Variants in SYK observed in about 807,000 individuals in gnomAD.
SYK encodes the protein tyrosine-protein kinase SYK.
A neutral mutation model predicts 77.8 loss-of-function variants in SYK; 16 were observed. That is an observed-to-expected ratio of 0.21 (90% CI 0.14 to 0.31). The LOEUF is 0.31. Among genes scored for constraint, SYK ranks in the 10% least tolerant of loss-of-function variants. SYK has a pLI of 1.00. For synonymous variants in SYK, 312 were observed against 308.7 expected, an observed-to-expected ratio of 1.01 and a Z score of -0.11; for missense variants, 529 against 814.4, an observed-to-expected ratio of 0.65 and a Z score of 4.26.
At chr9:90,814,463 G>A (rs1825215646) in intron 1 of SYK, among the ~76,000 whole-genome samples, 1 of 152,180 alleles carries the variant, frequency 6.6e-6, no homozygotes, top group South Asian at 2.1e-4. Context: ...TGCCACACGT[G>A]GGTGGAAGGT....
intron 1 of SYK, among the ~76,000 whole-genome samples, chr9:90,818,954 A>G (rs1056984052): frequency 6.6e-6 from 1 of 152,002 alleles, no homozygotes; most frequent in African/African-American, 2.4e-5. Context: ...TTCTCATGCT[A>G]TCAGCTGATT....
intron 11 of SYK, among the ~76,000 whole-genome samples, chr9:90,879,827 A>G (rs1045030988): frequency 9.9e-6 from 1 of 100,906 alleles, no homozygotes; most frequent in Non-Finnish European, 2.0e-5. Flanking sequence ...GGACTTCCTA[A>G]AAAATAATTT....
chr9:90,886,840 T>C (rs1304046363), intron 11 of SYK, among the ~76,000 whole-genome samples: 1 of 152,198 alleles, frequency 6.6e-6, no homozygotes, highest in African/African-American at 2.4e-5. Flanking sequence ...GTGCTTATCA[T>C]AGAACTATTC....
chr9:90,864,263 T>C (rs1165743054), intron 4 of SYK, among the ~76,000 whole-genome samples: 1 of 152,138 alleles, frequency 6.6e-6, no homozygotes, highest in Non-Finnish European at 1.5e-5. Flanking sequence ...CTGAAGAGAA[T>C]GGTTTGTATG....
intron 1 of SYK, among the ~76,000 whole-genome samples, chr9:90,817,477 C>A (rs928975461): frequency 6.6e-6 from 1 of 152,142 alleles, no homozygotes; most frequent in African/African-American, 2.4e-5. Flanking sequence ...ATTCATTTTT[C>A]CCTGCTTGAT....
At chr9:90,869,512 A>G (rs1827645278) in intron 7 of SYK, among the ~76,000 whole-genome samples, 1 of 152,210 alleles carries the variant, frequency 6.6e-6, no homozygotes, top group Non-Finnish European at 1.5e-5. Flanking sequence ...ATTTTCACAA[A>G]CAAATGGGGA....
chr9:90,898,182 T>C lies in SYK; in HGVS notation c.*2582T>C, dbSNP rs1829066550. 3 of 230,630 alleles carry C rather than the reference T, an allele frequency of 1.3e-5. No individual in the cohort carries two copies. The highest frequency in any genetic ancestry group is 6.6e-5 in the African/African-American group (3 of 45,194). The allele number at this position is 230,630 out of a possible 1,614,324, so 14.3% of individuals were successfully genotyped here. A position where few individuals can be genotyped will look rare whatever the true frequency, so the allele number is the denominator to read the frequency against. On this transcript the variant is annotated 3_prime_UTR_variant, in exon 14 of 14. Transcript: ENST00000375754. Reference sequence around the variant, plus strand: ...GCCCTGGTGGCATCACACTGGCTAGTGAGGCCGTGAATATCTTGTCCCCCA... The same window carrying C: ...GCCCTGGTGGCATCACACTGGCTAGCGAGGCCGTGAATATCTTGTCCCCCA...
rs952639280 is a variant in SYK, at chr9:90,896,473, C to T, written c.*873C>T. On this transcript the variant is annotated 3_prime_UTR_variant, in exon 14 of 14. Coordinates refer to ENST00000375754, the MANE Select transcript of SYK (RefSeq NM_003177.7). ...TTCCTCTGAACGTGGTCCACACCTT[C>T]CTCTCCTCCACAGAGAGGGTGCCGC... The T allele has an allele frequency of 8.6e-6, 2 of 233,134 alleles. No homozygotes were observed. The highest frequency in any genetic ancestry group is 1.7e-5 in the Non-Finnish European group (2 of 118,030). The allele number at this position is 233,134 out of a possible 1,614,324, so 14.4% of individuals were successfully genotyped here.
intron 3 of SYK, among the ~76,000 whole-genome samples, chr9:90,848,217 G>A (rs542276660): frequency 7.2e-5 from 11 of 152,266 alleles, no homozygotes; most frequent in African/African-American, 1.9e-4. Context: ...TTGCCTAGAC[G>A]TTGGTCCAGA....
chr9:90,882,105 A>G (rs1468537599), intron 11 of SYK, among the ~76,000 whole-genome samples: 2 of 152,240 alleles, frequency 1.3e-5, no homozygotes, highest in African/African-American at 4.8e-5. Context: ...AAAAAAGTAT[A>G]CACTACCTAT....
At position 90,844,024 on chromosome 9, in the gene SYK, C is replaced by T. The variant is rs753813101; in HGVS notation, c.126C>T (p.Arg42=). The T allele has an allele frequency of 1.2e-6, 2 of 1,612,204 alleles. No homozygotes were observed. Among genetic ancestry groups the T allele is most frequent in the Admixed American group, 3.3e-5 (2 of 59,754 alleles). Residue 42 remains arginine (R), a synonymous_variant, in exon 2 of 14, where the codon CGC becomes CGT. Transcript: ENST00000375754. ...GGMSDGLYLL[R]QSRNYLGGFA... is the part of the protein sequence containing the mutation. ...TGAGTGATGGGCTTTATTTGCTGCG[C>T]CAGAGCCGCAACTACCTGGGTGGCT...
intron 1 of SYK, among the ~76,000 whole-genome samples, chr9:90,835,078 G>A (rs181169592): frequency 9.9e-5 from 15 of 150,842 alleles, no homozygotes; most frequent in Admixed American, 4.0e-4. Context: ...GACAGCCCCC[G>A]ACCCTACACA....
intron 6 of SYK, 119 bp downstream of exon 6, chr9:90,865,216 C>T (rs1827437779): frequency 1.0e-6 from 1 of 994,142 alleles, no homozygotes; most frequent in African/African-American, 1.6e-5. Context: ...TCAAAACATA[C>T]TCCGTGATGA....
intron 9 of SYK, 140 bp downstream of exon 9, chr9:90,874,989 A>T: frequency 9.2e-7 from 1 of 1,082,630 alleles, no homozygotes. Flanking sequence ...TGGTACTATT[A>T]TAATGAAAGC....
chr9:90,832,880 C>T (rs1400790364), intron 1 of SYK, among the ~76,000 whole-genome samples: 1 of 152,090 alleles, frequency 6.6e-6, no homozygotes, highest in East Asian at 1.9e-4. Flanking sequence ...AGGCTCAGGC[C>T]CTCTGTAGGG....
intron 3 of SYK, among the ~76,000 whole-genome samples, chr9:90,846,605 C>T (rs1437796766): frequency 1.1e-4 from 16 of 150,398 alleles, no homozygotes; most frequent in African/African-American, 2.7e-4. Context: ...ATCTCACTAT[C>T]GTTTGAGGCT....
At chr9:90,853,473 G>A (rs980946761) in intron 3 of SYK, among the ~76,000 whole-genome samples, 3 of 151,882 alleles carry the variant, frequency 2.0e-5, no homozygotes, top group African/African-American at 7.3e-5. Context: ...AACCAACCCA[G>A]ATGTCCAACA....
chr9:90,819,663 T>C (rs1484255489), intron 1 of SYK, among the ~76,000 whole-genome samples: 1 of 152,034 alleles, frequency 6.6e-6, no homozygotes, highest in Non-Finnish European at 1.5e-5. Flanking sequence ...TCCCATAACA[T>C]GTGGGAATTC....
rs146004418 is a variant in SYK at position 90,848,445 on chromosome 9, A to G, written c.578+2851A>G. ...CCCAGACCTGGTTTTGAATCATCCA[A>G]ATCTGCCCTACTTGCAGATAGTTTT... On this transcript the variant is annotated intron_variant, in intron 3 of 13. Transcript: ENST00000375754. Among the ~76,000 whole-genome samples the G allele has an allele frequency of 3.9e-4, 60 of 152,262 alleles. 1 individual carries two copies. Among genetic ancestry groups the G allele is most frequent in the Middle Eastern group, 3.4e-3 (1 of 294 alleles).
Sources: gnomAD v4.1 joint callset for allele counts (sites outside exome capture counted in the v4.1 genomes callset) on GRCh38, gnomAD v4.1.1 for gene constraint, MANE v1.5 for transcripts, NCBI Gene and HGNC (gene_info 2026-07-23, HGNC 2026-07-21) for gene names.